The following ACOT9 variants were observed in gnomAD, a reference collection of about 807,000 sequenced individuals.
The protein encoded by ACOT9 is acyl-CoA thioesterase 9, also known as acyl-coenzyme A thioesterase 9, mitochondrial.
In ACOT9, 34 loss-of-function variants were observed where a neutral mutation model predicts 39.7. That is an observed-to-expected ratio of 0.86 (90% CI 0.65 to 1.14). The LOEUF is 1.14. Ranked by LOEUF, ACOT9 falls within the 50% of genes most tolerant of loss-of-function variation. The probability of loss-of-function intolerance (pLI) is 0.00; values close to 1 mark genes in which losing one functional copy is unlikely to be tolerated. For synonymous variants in ACOT9, 110 were observed against 120.5 expected, an observed-to-expected ratio of 0.91 and a Z score of 0.57; for missense variants, 313 against 344.1, an observed-to-expected ratio of 0.91 and a Z score of 0.71.
At chrX:23,737,885 T>TC in intron 1 of ACOT9, among the ~76,000 whole-genome samples, 1 of 88,796 alleles carries the variant, frequency 1.1e-5, no homozygotes, top group African/African-American at 5.4e-5. Flanking sequence ...TTTTTTTTTT[T>TC]TTAGACAGAG....
intron 9 of ACOT9, 74 bp from the exon 10 acceptor site, chrX:23,708,018 C>T: frequency 1.1e-6 from 1 of 915,924 alleles, no homozygotes; most frequent in Non-Finnish European, 1.5e-6. Flanking sequence ...GAACAATCAC[C>T]TACTACTTTT....
At chrX:23,732,948 T>C (rs1929809187) in intron 4 of ACOT9, among the ~76,000 whole-genome samples, 1 of 112,046 alleles carries the variant, frequency 8.9e-6, no homozygotes, top group South Asian at 3.6e-4. Context: ...CTAAATGCAC[T>C]TTGAAAATGC....
chrX:23,715,878 C>CTT (rs1929058080), intron 8 of ACOT9, among the ~76,000 whole-genome samples: 1 of 112,168 alleles, frequency 8.9e-6, no homozygotes, highest in Middle Eastern at 4.6e-3. Flanking sequence ...GAGAATGGAA[C>CTT]TTTATCTGTT....
intron 1 of ACOT9, among the ~76,000 whole-genome samples, chrX:23,742,044 T>G (rs1920970747): frequency 9.0e-6 from 1 of 110,986 alleles, no homozygotes; most frequent in Non-Finnish European, 1.9e-5. Flanking sequence ...ATGGAGCTTT[T>G]GTAGAAGACC....
Position 23,704,856 on chromosome X carries a change from T to C in ACOT9, c.1108-12A>G, listed in dbSNP as rs372449360. The C allele has an allele frequency of 9.4e-5, 113 of 1,202,109 alleles. No homozygotes were observed. The African/African-American group carries it at 1.6e-3, about 17-fold the overall frequency. ...TGAGTAAAGCATACCTAACAGATTA[T>C]AGACACTATAATCAGTCAACTGCAT... On this transcript the variant is annotated splice_polypyrimidine_tract_variant and intron_variant, in intron 14 of 15. Coordinates refer to ENST00000379303, the MANE Select transcript of ACOT9 (RefSeq NM_001037171.2).
At chrX:23,723,287 T>C (rs1044809943) in intron 6 of ACOT9, among the ~76,000 whole-genome samples, 4 of 112,024 alleles carry the variant, frequency 3.6e-5, no homozygotes, top group African/African-American at 1.3e-4. Context: ...GCATGGTTCA[T>C]GCACCTTACA....
intron 6 of ACOT9, among the ~76,000 whole-genome samples, chrX:23,729,131 G>GAA (rs1212611371): frequency 2.7e-5 from 3 of 111,364 alleles, no homozygotes; most frequent in Non-Finnish European, 3.8e-5. Context: ...TTACAGTGAA[G>GAA]AACAGTGGCA....
In ACOT9 at chrX:23,721,975, T is replaced by A; in HGVS notation, c.494A>T (p.Lys165Met). ...TALVDKIDMC[K>M]KSLSPEQDIK... The stretch of plus-strand genomic sequence containing the variant: ...GTCCTGTTCTGGGCTCAAGCTCTTC[T>A]TACACATATCTGCAAAACAGAAGTC... The change falls in exon 8 of 16, where the codon AAG becomes ATG. Residue 165 changes from lysine (K) to methionine (M), a missense_variant. By Grantham distance (95) the Lys-to-Met change is moderately conservative. Transcript: ENST00000379303. 2.5e-6 allele frequency: 3 copies of A among 1,204,671 alleles called. No individual in the cohort carries two copies. The highest frequency in any genetic ancestry group is 3.4e-6 in the Non-Finnish European group (3 of 891,094).
At chrX:23,704,302 C>A (rs1043160727) in intron 15 of ACOT9, among the ~76,000 whole-genome samples, 2 of 106,265 alleles carry the variant, frequency 1.9e-5, no homozygotes, top group African/African-American at 6.9e-5. Flanking sequence ...TCCCGAGTAG[C>A]TGGGACTACA....
intron 2 of ACOT9, 28 bp from the exon 3 acceptor site, chrX:23,734,395 G>C (rs745784843): frequency 8.9e-6 from 10 of 1,123,736 alleles, no homozygotes; most frequent in South Asian, 5.8e-5. Flanking sequence ...AAATCAATTA[G>C]AGAACCAGCA....
At chrX:23,742,213 T>TGAGAGAGAGAGAGAGAGAGA (rs1190609377) in intron 1 of ACOT9, among the ~76,000 whole-genome samples, 1 of 68,909 alleles carries the variant, frequency 1.5e-5, no homozygotes, top group African/African-American at 7.5e-5. Context: ...AGTGAGTGAG[T>TGAGAGAGAGAGAGAGAGAGA]GAGAGAGAGA....
rs142240507 is a variant in ACOT9, at chrX:23,712,965, G to A, written c.662+170C>T. ...TAAAAGATGCCCGAAGTATTTAAGA[G>A]TGAAATGTCATGTCTGGGATTTGCC... On this transcript the variant is annotated intron_variant, in intron 9 of 15. Transcript: ENST00000379303. 3.8e-3 allele frequency among the ~76,000 whole-genome samples: 427 copies of A among 112,327 alleles called. 4 individuals are homozygous for A. Among genetic ancestry groups the A allele is most frequent in the African/African-American group, 0.011 (349 of 31,002 alleles).
intron 8 of ACOT9, among the ~76,000 whole-genome samples, chrX:23,714,567 G>A (rs777460150): frequency 9.0e-6 from 1 of 111,447 alleles, no homozygotes; most frequent in Non-Finnish European, 1.9e-5. Context: ...AGGCATTTCA[G>A]GTAAGGAATA....
At chrX:23,705,993 G>A (rs377199716) in intron 11 of ACOT9, 135 bp from the exon 12 acceptor site, 31 of 519,386 alleles carry the variant, frequency 6.0e-5, no homozygotes, top group African/African-American at 4.2e-4. Context: ...GGCCAGGCGC[G>A]GTGGCTCACG....
intron 5 of ACOT9, 77 bp downstream of exon 5, chrX:23,730,739 T>C (rs1168452529): frequency 1.6e-5 from 17 of 1,038,419 alleles, no homozygotes; most frequent in Non-Finnish European, 2.2e-5. Flanking sequence ...GCGAATTGTA[T>C]GGTGTGTGAA....
intron 8 of ACOT9, among the ~76,000 whole-genome samples, chrX:23,714,048 AAAC>A (rs1277436642): frequency 5.4e-5 from 6 of 110,588 alleles, no homozygotes; most frequent in Non-Finnish European, 1.1e-4. Context: ...AAAACAAAAC[AAAC>A]AAAACGCAAA....
In ACOT9 at chrX:23,703,350, TC is replaced by T; in HGVS notation, c.*543del. 1 of 112,044 alleles carries T rather than the reference TC, an allele frequency of 8.9e-6. No homozygotes were observed. Among genetic ancestry groups the T allele is most frequent in the African/African-American group, 3.3e-5 (1 of 30,745 alleles). The allele number at this position is 112,044 out of a possible 1,213,427, so 9.2% of individuals were successfully genotyped here. On this transcript the variant is annotated 3_prime_UTR_variant, in exon 16 of 16. Transcript: ENST00000379303. ...ATTAATTAATTAATTTTTGAGACAG[TC>T]TCTCTCTGTCGCCCAGGCTGGAGTG...
At chrX:23,737,621 G>A (rs1301620154) in intron 1 of ACOT9, among the ~76,000 whole-genome samples, 2 of 111,004 alleles carry the variant, frequency 1.8e-5, no homozygotes. Flanking sequence ...TCATCTAATT[G>A]CACAGAACAC....
chrX:23,731,051 A>G, intron 4 of ACOT9, 65 bp from the exon 5 acceptor site: 3 of 983,346 alleles, frequency 3.1e-6, no homozygotes, highest in Non-Finnish European at 4.2e-6. Flanking sequence ...CCAGTGGTAC[A>G]CAGGCCAGTA....
Sources: allele counts gnomAD v4.1 joint callset (sites outside exome capture counted in the v4.1 genomes callset), GRCh38; gene constraint gnomAD v4.1.1; transcripts MANE v1.5; gene names NCBI Gene and HGNC (gene_info 2026-07-23, HGNC 2026-07-21).